Variants in SYN2 observed in about 807,000 individuals in gnomAD.
SYN2 encodes synapsin-2.
SYN2 carries 19 observed loss-of-function variants against 50.9 expected under a neutral mutation model. The observed-to-expected ratio is 0.37, with a 90% CI of 0.26 to 0.55. The LOEUF is 0.55. Among genes scored for constraint, SYN2 ranks in the 20% least tolerant of loss-of-function variants. SYN2 has a pLI of 0.81. For missense variants in SYN2, 587 were observed against 576.4 expected (o/e 1.02, Z -0.19); for synonymous variants, 255 against 224.9 (o/e 1.13, Z -1.20).
At chr3:12,153,839 G>A in intron 5 of SYN2, 1 of 1,013,818 alleles carries the variant, frequency 9.9e-7, no homozygotes, top group Non-Finnish European at 1.5e-6. Context: ...GCCTTTCCCA[G>A]TCCCCAGTCT....
chr3:12,161,634 T>C, intron 6 of SYN2, 26 bp downstream of exon 6: 1 of 1,613,864 alleles, frequency 6.2e-7, no homozygotes, highest in African/African-American at 1.3e-5. Flanking sequence ...CTGCTGTGCT[T>C]CAGGGTTGAA....
chr3:12,104,430 A>G (rs1696135705), intron 1 of SYN2, among the ~76,000 whole-genome samples: 1 of 152,154 alleles, frequency 6.6e-6, no homozygotes, highest in Non-Finnish European at 1.5e-5. Context: ...GCCAAGCATC[A>G]AAAAATCAGT....
At chr3:12,010,629 A>G (rs1033544821) in intron 1 of SYN2, among the ~76,000 whole-genome samples, 3 of 152,232 alleles carry the variant, frequency 2.0e-5, no homozygotes, top group Admixed American at 2.0e-4. Flanking sequence ...AAATTTGTCA[A>G]ATGAGAGGAT....
At chr3:12,007,234 C>T (rs2618389) in intron 1 of SYN2, among the ~76,000 whole-genome samples, 130,684 of 152,190 alleles carry the variant, frequency 0.86, 56,233 homozygotes, top group East Asian at 0.97. Flanking sequence ...GCCACTTTCC[C>T]GTGGGCTGAC....
intron 1 of SYN2, among the ~76,000 whole-genome samples, chr3:12,018,547 AT>A (rs1694067845): frequency 1.3e-5 from 2 of 152,106 alleles, no homozygotes; most frequent in African/African-American, 4.8e-5. Context: ...TAGCTTAATG[AT>A]TTCCCTTTGG....
intron 5 of SYN2, among the ~76,000 whole-genome samples, chr3:12,152,889 A>G (rs555285380): frequency 2.0e-5 from 3 of 152,260 alleles, no homozygotes; most frequent in African/African-American, 7.2e-5. Context: ...ACCAGGTGGG[A>G]CCCTCTGCCA....
chr3:12,055,696 C>T (rs1694972698), intron 1 of SYN2, among the ~76,000 whole-genome samples: 1 of 152,182 alleles, frequency 6.6e-6, no homozygotes, highest in African/African-American at 2.4e-5. Context: ...AGTTGCCTTT[C>T]TCTCTGGGTA....
Position 12,091,051 on chromosome 3 carries a change from C to T in SYN2, c.378-49600C>T, listed in dbSNP as rs563229456. ...CAAAACTTCCTTCTTCTATCTCTTC[C>T]CCTCATAATCTTGGTAGATGGAGGG... On this transcript the variant is annotated intron_variant, in intron 1 of 12. Transcript: ENST00000621198. Among the ~76,000 whole-genome samples, 8 of 152,162 alleles carry T rather than the reference C, an allele frequency of 5.3e-5. No individual in the cohort carries two copies. The East Asian group carries it at 1.5e-3, about 29-fold the overall frequency.
chr3:12,145,697 C>T lies in SYN2; in HGVS notation c.546C>T (p.Phe182=), dbSNP rs553201989. ...TCACCAGGTCCTTCCGGCCAGACTT[C>T]GTGCTCATCCGGCAGCATGCATTTG... ...TKVVRSFRPD[F]VLIRQHAFGM... is the part of the protein sequence containing the mutation. The change falls in exon 4 of 13, where the codon TTC becomes TTT. Residue 182 remains phenylalanine, a synonymous_variant. Transcript: ENST00000621198. 5.7e-5 allele frequency: 92 copies of T among 1,613,954 alleles called. No individual in the cohort carries two copies. The highest frequency in any genetic ancestry group is 6.7e-5 in the Non-Finnish European group (79 of 1,179,866).
At chr3:12,103,332 AG>A (rs750680729) in intron 1 of SYN2, among the ~76,000 whole-genome samples, 5 of 152,338 alleles carry the variant, frequency 3.3e-5, no homozygotes, top group Admixed American at 1.3e-4. Context: ...AAGAAAGGCA[AG>A]CAAAGAAGTG....
At chr3:12,138,472 T>C (rs1485780861) in intron 1 of SYN2, among the ~76,000 whole-genome samples, 1 of 152,146 alleles carries the variant, frequency 6.6e-6, no homozygotes, top group Non-Finnish European at 1.5e-5. Context: ...ACCCACAAAA[T>C]AAATGAGTGA....
chr3:12,020,315 T>A (rs1694105683), intron 1 of SYN2, among the ~76,000 whole-genome samples: 1 of 151,872 alleles, frequency 6.6e-6, no homozygotes, highest in South Asian at 2.1e-4. Flanking sequence ...TTTCCTGTCC[T>A]CTTCCCCCCC....
At chr3:12,170,931 A>G (rs1421642180) in intron 10 of SYN2, among the ~76,000 whole-genome samples, 1 of 152,230 alleles carries the variant, frequency 6.6e-6, no homozygotes, top group Non-Finnish European at 1.5e-5. Flanking sequence ...CAGTGTAACA[A>G]TTGATAAGTC....
At chr3:12,028,380 G>A (rs1015401384) in intron 1 of SYN2, among the ~76,000 whole-genome samples, 13 of 147,192 alleles carry the variant, frequency 8.8e-5, no homozygotes, top group African/African-American at 3.3e-4. Flanking sequence ...TAGTCATTTG[G>A]GTATATACCC....
At chr3:12,048,261 G>C (rs935070712) in intron 1 of SYN2, among the ~76,000 whole-genome samples, 1 of 152,104 alleles carries the variant, frequency 6.6e-6, no homozygotes. Context: ...TGCAGCCATC[G>C]GACTCAAGCG....
intron 10 of SYN2, among the ~76,000 whole-genome samples, chr3:12,176,185 C>T (rs1698063446): frequency 6.6e-6 from 1 of 152,182 alleles, no homozygotes; most frequent in Non-Finnish European, 1.5e-5. Context: ...GCCTTGCATC[C>T]TAGGGCTCTG....
intron 1 of SYN2, among the ~76,000 whole-genome samples, chr3:12,035,864 C>T (rs1406285343): frequency 6.6e-6 from 1 of 152,162 alleles, no homozygotes; most frequent in East Asian, 1.9e-4. Flanking sequence ...CTGAGGTCTG[C>T]ATGCAAGAGG....
intron 1 of SYN2, among the ~76,000 whole-genome samples, chr3:12,085,823 A>T (rs2125177867): frequency 6.6e-6 from 1 of 152,276 alleles, no homozygotes; most frequent in South Asian, 2.1e-4. Flanking sequence ...AAACAACCTT[A>T]CATCATACCT....
intron 1 of SYN2, among the ~76,000 whole-genome samples, chr3:12,121,649 G>GGGAAGGGAAGGAGAAA (rs545897178): frequency 1.8e-4 from 27 of 150,286 alleles, no homozygotes; most frequent in Middle Eastern, 6.8e-3. Flanking sequence ...GGAAGGTAAG[G>GGGAAGGGAAGGAGAAA]GGAAGGGAAG....
Sources: allele counts gnomAD v4.1 joint callset (sites outside exome capture counted in the v4.1 genomes callset), GRCh38; gene constraint gnomAD v4.1.1; transcripts MANE v1.5; gene names NCBI Gene and HGNC (gene_info 2026-07-23, HGNC 2026-07-21).